BIN1: variants seen among roughly 807,000 people sequenced by gnomAD.
BIN1 encodes bridging integrator 1.
BIN1 carries 53 observed loss-of-function variants against 82.0 expected under a neutral mutation model. The observed-to-expected ratio is 0.65, with a 90% CI of 0.52 to 0.81. The LOEUF (loss-of-function observed/expected upper bound fraction) is 0.81, where lower values mean the gene tolerates loss of function less well. Among genes scored for constraint, BIN1 ranks in the 40% least tolerant of loss-of-function variants. The pLI, the probability that BIN1 is intolerant of heterozygous loss-of-function variation, is 0.00. For synonymous variants in BIN1, 302 were observed against 328.0 expected, an observed-to-expected ratio of 0.92 and a Z score of 0.86; for missense variants, 642 against 784.4, an observed-to-expected ratio of 0.82 and a Z score of 2.17.
intron 13 of BIN1, 162 bp from the exon 14 acceptor site, chr2:127,053,607 C>T (rs764898585): frequency 2.3e-5 from 22 of 951,606 alleles, no homozygotes; most frequent in African/African-American, 9.8e-5. Context: ...TGCAGGTGGC[C>T]GAGCTCCCGA....
In BIN1 at chr2:127,068,606, G is replaced by A. The variant is rs1008990353; in HGVS notation, c.519+318C>T. On this transcript the variant is annotated intron_variant, in intron 6 of 18. Coordinates refer to ENST00000316724, the MANE Select transcript of BIN1 (RefSeq NM_139343.3). The surrounding 1 kb of genome is among the most constrained non-coding windows in gnomAD (Gnocchi z 4.9). ...CCAGGGACAGGTCGCCTGGGATCGC[G>A]TGACGAATTCCACCCGGCTCGCCAG... is the stretch of plus-strand genomic sequence containing the variant. 3.9e-5 allele frequency among the ~76,000 whole-genome samples: 6 copies of A among 152,204 alleles called. No homozygotes were observed. Among genetic ancestry groups the A allele is most frequent in the Non-Finnish European group, 7.3e-5 (5 of 68,034 alleles).
chr2:127,057,613 C>A lies in BIN1; in HGVS notation c.1003-12G>T. 1 of 1,510,902 alleles carries A rather than the reference C, an allele frequency of 6.6e-7. No individual in the cohort carries two copies. The highest frequency in any genetic ancestry group is 8.9e-7 in the Non-Finnish European group (1 of 1,123,010). 93.6% of individuals were successfully genotyped at this position (1,510,902 alleles called of 1,614,324 possible). A position where few individuals can be genotyped will look rare whatever the true frequency, so the allele number is the denominator to read the frequency against. ...GGGCCTTTCCGGAGCTGTGGGTCGG[C>A]GGCGGGTGAGGGGCCGCGCGGGAAG... On this transcript the variant is annotated splice_polypyrimidine_tract_variant and intron_variant, in intron 11 of 18. Coordinates refer to ENST00000316724, the MANE Select transcript of BIN1 (RefSeq NM_139343.3). The surrounding 1 kb of genome is among the most constrained non-coding windows in gnomAD (Gnocchi z 5.0).
intron 1 of BIN1, among the ~76,000 whole-genome samples, chr2:127,083,698 C>T (rs1326949508): frequency 6.6e-6 from 1 of 152,198 alleles, no homozygotes; most frequent in Non-Finnish European, 1.5e-5. Context: ...ATTGTCGGGT[C>T]TCTTGTTCCT....
At chr2:127,081,960 C>A in intron 1 of BIN1, 1 of 1,164,798 alleles carries the variant, frequency 8.6e-7, no homozygotes, top group Admixed American at 2.9e-5. Flanking sequence ...CACCCTCGTG[C>A]CCCGGCGTTC....
In BIN1 at chr2:127,069,998, G is replaced by C; in HGVS notation, c.408C>G (p.Ile136Met). The stretch of plus-strand genomic sequence containing the variant: ...GATCTGCAAGTGGGTCTCTCACCTT[G>C]ATGTCGGGGAACTGGCCCAGGTACG... ...MDTYLGQFPD[I>M]KSRIAKRGRK... The change falls in exon 5 of 19, where the codon ATC (isoleucine) becomes ATG (methionine). Residue 136 changes from isoleucine to methionine, a missense_variant. Physicochemically the swap from Ile to Met is conservative, Grantham distance 10 (BLOSUM62 1). Coordinates refer to ENST00000316724, the MANE Select transcript of BIN1 (RefSeq NM_139343.3). The C allele has an allele frequency of 6.2e-7, 1 of 1,614,090 alleles. No homozygotes were observed. The highest frequency in any genetic ancestry group is 8.5e-7 in the Non-Finnish European group (1 of 1,179,932).
In BIN1 at chr2:127,059,070, C is replaced by G. The variant is rs769801396; in HGVS notation, c.943G>C (p.Glu315Gln). The G allele has an allele frequency of 1.3e-6, 2 of 1,586,212 alleles. No homozygotes were observed. The highest frequency in any genetic ancestry group is 3.6e-5 in the Admixed American group (2 of 55,732). Reference sequence around the variant, plus strand: ...GTGGCCCCGCCGGCCGGCTCTGGCTCGTGGTTGACTCTGATCTCGGGGGTG... The same window carrying G: ...GTGGCCCCGCCGGCCGGCTCTGGCTGGTGGTTGACTCTGATCTCGGGGGTG... ...AATPEIRVNH[E>Q]PEPAGGATPG... The change falls in exon 11 of 19, where the codon GAG becomes CAG. Residue 315 changes from glutamate (E) to glutamine (Q), a missense_variant. Coordinates refer to ENST00000316724, the MANE Select transcript of BIN1 (RefSeq NM_139343.3). This position sits in a 1 kb window ranked among gnomAD's most constrained non-coding sequence, Gnocchi z 6.7.
chr2:127,075,160 G>C (rs1424128595), intron 2 of BIN1, among the ~76,000 whole-genome samples: 1 of 152,214 alleles, frequency 6.6e-6, no homozygotes, highest in Non-Finnish European at 1.5e-5. Context: ...ACCCACACCA[G>C]CTACATAGCC....
At chr2:127,050,383 G>GGTCC in intron 18 of BIN1, 38 bp downstream of exon 18, 1 of 1,605,424 alleles carries the variant, frequency 6.2e-7, no homozygotes, top group Non-Finnish European at 8.5e-7. Flanking sequence ...GGATGCCTGT[G>GGTCC]GTCCCCCTGC....
At chr2:127,104,990 G>A (rs1680851476) in intron 1 of BIN1, among the ~76,000 whole-genome samples, 1 of 152,228 alleles carries the variant, frequency 6.6e-6, no homozygotes, top group South Asian at 2.1e-4. Flanking sequence ...AAGGTCAGCT[G>A]TTGGCCAAGA....
intron 1 of BIN1, among the ~76,000 whole-genome samples, chr2:127,106,243 G>C (rs1288358694): frequency 6.6e-6 from 1 of 152,230 alleles, no homozygotes; most frequent in Non-Finnish European, 1.5e-5. Flanking sequence ...CTGGGCTCCC[G>C]GTGGGGCCGG....
At chr2:127,075,806 C>G (rs1405119347) in intron 2 of BIN1, among the ~76,000 whole-genome samples, 5 of 126,156 alleles carry the variant, frequency 4.0e-5, no homozygotes, top group Non-Finnish European at 6.8e-5. Context: ...GCTGCCCCCC[C>G]CACCGCCCTC....
chr2:127,094,881 C>A (rs1679391701), intron 1 of BIN1, among the ~76,000 whole-genome samples: 1 of 152,222 alleles, frequency 6.6e-6, no homozygotes, highest in Non-Finnish European at 1.5e-5. Flanking sequence ...CCCCGAATGC[C>A]CTCAGGAAAG....
Position 127,052,583 on chromosome 2 carries a change from C to T in BIN1, c.1264-221G>A. 2 of 579,770 alleles carry T rather than the reference C, an allele frequency of 3.4e-6. 1 individual carries two copies. The highest frequency in any genetic ancestry group is 6.2e-6 in the Non-Finnish European group (2 of 324,604). 35.9% of individuals were successfully genotyped at this position (579,770 alleles called of 1,614,324 possible). A position where few individuals can be genotyped will look rare whatever the true frequency, so the allele number is the denominator to read the frequency against. ...GTGTGACTGTGCTGCCCAAGCTCAG[C>T]ACCTACCGAAATCCACTTGTCAAAA... On this transcript the variant is annotated intron_variant, in intron 14 of 18. Transcript: ENST00000316724.
intron 7 of BIN1, among the ~76,000 whole-genome samples, 164 bp from the exon 8 acceptor site, chr2:127,064,182 C>G (rs1265952077): frequency 1.3e-5 from 2 of 152,218 alleles, no homozygotes; most frequent in Non-Finnish European, 2.9e-5. Context: ...TGCTGGCGAC[C>G]TCCCCCTGCA....
chr2:127,084,816 G>A (rs1395940084), intron 1 of BIN1, among the ~76,000 whole-genome samples: 1 of 152,200 alleles, frequency 6.6e-6, no homozygotes, highest in Non-Finnish European at 1.5e-5. Flanking sequence ...CCATTGCAGT[G>A]TTCCTTAGGA....
Position 127,068,159 on chromosome 2 carries a change from T to C in BIN1, c.612+4A>G. The C allele has an allele frequency of 6.2e-7, 1 of 1,612,846 alleles. No homozygotes were observed. On this transcript the variant is annotated splice_donor_region_variant and intron_variant, in intron 7 of 18. Transcript: ENST00000316724. The surrounding 1 kb of genome is among the most constrained non-coding windows in gnomAD (Gnocchi z 4.9). ...GCACGTGCAAGGTTAGAAGCCAGTGTCACCTGATTTCGGAGCAGGTTAGTT... is the reference window on the plus strand; with the variant it reads ...GCACGTGCAAGGTTAGAAGCCAGTGCCACCTGATTTCGGAGCAGGTTAGTT...
intron 1 of BIN1, among the ~76,000 whole-genome samples, chr2:127,086,099 C>T (rs1275656289): frequency 6.6e-6 from 1 of 152,200 alleles, no homozygotes; most frequent in African/African-American, 2.4e-5. Flanking sequence ...AACCCCCTCC[C>T]GTTGGGTTCA....
In BIN1 at chr2:127,090,040, G is replaced by T. The variant is rs988564763; in HGVS notation, c.85-13334C>A. 2.7e-5 allele frequency among the ~76,000 whole-genome samples: 4 copies of T among 149,512 alleles called. No individual in the cohort carries two copies. Among genetic ancestry groups the T allele is most frequent in the African/African-American group, 9.9e-5 (4 of 40,330 alleles). On this transcript the variant is annotated intron_variant, in intron 1 of 18. Transcript: ENST00000316724. This position sits in a 1 kb window ranked among gnomAD's most constrained non-coding sequence, Gnocchi z 6.4. ...CCCGCACCTGCCGCCCAGTGCACCT[G>T]CTCCTGCGGCTCACAGTCCACTGCA...
At chr2:127,083,621 T>TG (rs1470323848) in intron 1 of BIN1, among the ~76,000 whole-genome samples, 1 of 152,236 alleles carries the variant, frequency 6.6e-6, no homozygotes, top group Non-Finnish European at 1.5e-5. Context: ...CAAATATCCT[T>TG]GGGTGCCCCC....
Sources: gnomAD v4.1 joint callset for allele counts (sites outside exome capture counted in the v4.1 genomes callset) on GRCh38, gnomAD v4.1.1 for gene constraint, Gnocchi (gnomAD v3.1) non-coding constraint, MANE v1.5 for transcripts, NCBI Gene and HGNC (gene_info 2026-07-23, HGNC 2026-07-21) for gene names.